TULP4: variants seen among roughly 807,000 people sequenced by gnomAD.
TULP4 encodes tubby-related protein 4.
In TULP4, 16 loss-of-function variants were observed where a neutral mutation model predicts 129.0. The ratio of observed to expected loss-of-function variants is 0.12; its 90% CI spans 0.08 to 0.19. The LOEUF (loss-of-function observed/expected upper bound fraction) is 0.19, where lower values mean the gene tolerates loss of function less well. TULP4 is among the 10% of genes least tolerant of loss of function. The pLI is 1.00. For synonymous variants in TULP4, 998 were observed against 854.0 expected, an observed-to-expected ratio of 1.17 and a Z score of -2.94; for missense variants, 1,842 against 2,059.1, an observed-to-expected ratio of 0.89 and a Z score of 2.04.
intron 1 of TULP4, among the ~76,000 whole-genome samples, chr6:158,324,855 A>G (rs1432189078): frequency 6.6e-6 from 1 of 152,172 alleles, no homozygotes; most frequent in Non-Finnish European, 1.5e-5. Context: ...TTCTATCTAT[A>G]AGACACTGCT....
At position 158,332,448 on chromosome 6, in the gene TULP4, G is replaced by A. The variant is rs997075085; in HGVS notation, c.252+18180G>A. Among the ~76,000 whole-genome samples the A allele has an allele frequency of 4.7e-4, 71 of 151,912 alleles. 2 individuals are homozygous for A. Among genetic ancestry groups the A allele is most frequent in the Non-Finnish European group, 1.5e-5 (1 of 67,968 alleles). On this transcript the variant is annotated intron_variant, in intron 1 of 13. Transcript: ENST00000367097. ...CAGTAAATAACCCTCTGGAGTGCAG[G>A]CAAGGGAGGAGGCTGTCCCTCCATG... is the stretch of plus-strand genomic sequence containing the variant.
chr6:158,407,363 A>C (rs749027468), intron 1 of TULP4, among the ~76,000 whole-genome samples: 5 of 152,256 alleles, frequency 3.3e-5, no homozygotes, highest in Non-Finnish European at 7.3e-5. Flanking sequence ...GACAGGCAAT[A>C]GCAAGTATTA....
At chr6:158,429,143 C>T (rs921127545) in intron 2 of TULP4, among the ~76,000 whole-genome samples, 6 of 151,958 alleles carry the variant, frequency 3.9e-5, no homozygotes, top group African/African-American at 1.4e-4. Context: ...CCACTGCTCC[C>T]GACTAATTAT....
intron 6 of TULP4, among the ~76,000 whole-genome samples, chr6:158,462,355 A>C (rs915397152): frequency 3.3e-5 from 5 of 150,068 alleles, no homozygotes; most frequent in African/African-American, 1.2e-4. Context: ...AGACCCTTAC[A>C]TATGTAGATT....
chr6:158,477,899 A>G (rs1317454270), intron 6 of TULP4, among the ~76,000 whole-genome samples: 1 of 152,254 alleles, frequency 6.6e-6, no homozygotes, highest in African/African-American at 2.4e-5. Context: ...AATGTGATAC[A>G]TAAACACCAT....
chr6:158,418,717 A>C (rs552165196), intron 2 of TULP4, among the ~76,000 whole-genome samples: 1 of 152,314 alleles, frequency 6.6e-6, no homozygotes, highest in South Asian at 2.1e-4. Flanking sequence ...GCAGTGAACT[A>C]TGACTGTGCC....
At chr6:158,435,104 C>A (rs189645796) in intron 3 of TULP4, among the ~76,000 whole-genome samples, 15 of 152,310 alleles carry the variant, frequency 9.8e-5, no homozygotes, top group Non-Finnish European at 2.1e-4. Context: ...TGCAGTGAGG[C>A]ACATACATAA....
At chr6:158,287,658 T>C (rs1295783150) in intron 1 of TULP4, among the ~76,000 whole-genome samples, 2 of 152,214 alleles carry the variant, frequency 1.3e-5, no homozygotes. Flanking sequence ...CAAGGATTTA[T>C]GGAATCGGTG....
At chr6:158,292,035 G>T (rs533305354) in intron 1 of TULP4, among the ~76,000 whole-genome samples, 1 of 152,306 alleles carries the variant, frequency 6.6e-6, no homozygotes, top group East Asian at 1.9e-4. Flanking sequence ...ATTTTTAATT[G>T]TAAACAGATT....
At chr6:158,290,513 A>C (rs956946529) in intron 1 of TULP4, among the ~76,000 whole-genome samples, 6 of 151,598 alleles carry the variant, frequency 4.0e-5, no homozygotes, top group African/African-American at 1.5e-4. Context: ...AGCTTTGTAC[A>C]TTTTCATTTA....
At chr6:158,452,895 ATGT>A (rs1779195136) in intron 5 of TULP4, among the ~76,000 whole-genome samples, 1 of 152,176 alleles carries the variant, frequency 6.6e-6, no homozygotes, top group Non-Finnish European at 1.5e-5. Context: ...AGTACTGTTG[ATGT>A]TGTTGACCCC....
intron 1 of TULP4, among the ~76,000 whole-genome samples, chr6:158,352,953 C>G (rs1164628851): frequency 6.6e-6 from 1 of 152,092 alleles, no homozygotes; most frequent in Non-Finnish European, 1.5e-5. Context: ...TCAAAATATT[C>G]TTTCGTATTT....
rs1346497988 is a variant in TULP4, at chr6:158,469,487, C to T, written c.1026+7758C>T. Among the ~76,000 whole-genome samples, 6 of 151,920 alleles carry T rather than the reference C, an allele frequency of 3.9e-5. No individual in the cohort carries two copies. The East Asian group carries it at 5.8e-4, about 15-fold the overall frequency. ...CAGCGTCTCACCATGTTGGCCAAGG[C>T]TGGTCTTGATTTTCTGACCTCAAGT... On this transcript the variant is annotated intron_variant, in intron 6 of 13. Coordinates refer to ENST00000367097, the MANE Select transcript of TULP4 (RefSeq NM_020245.5).
At chr6:158,360,756 G>A (rs1183220841) in intron 1 of TULP4, among the ~76,000 whole-genome samples, 1 of 152,162 alleles carries the variant, frequency 6.6e-6, no homozygotes, top group African/African-American at 2.4e-5. Flanking sequence ...AAGAAGCCCT[G>A]AGCAAGTGAA....
chr6:158,322,871 C>A (rs1779669496), intron 1 of TULP4, among the ~76,000 whole-genome samples: 1 of 152,232 alleles, frequency 6.6e-6, no homozygotes, highest in Non-Finnish European at 1.5e-5. Flanking sequence ...AGAAAGCAAG[C>A]TTTCAATTGT....
At chr6:158,232,473 A>C (rs1318197686) in intron 1 of TULP4, among the ~76,000 whole-genome samples, 1 of 142,432 alleles carries the variant, frequency 7.0e-6, no homozygotes, top group African/African-American at 2.6e-5. Context: ...TGGCTGCGGG[A>C]GTCTTGGGAG....
Position 158,385,024 on chromosome 6 carries a change from C to T in TULP4, c.253-28041C>T, listed in dbSNP as rs116357655. ...GCTTTTAATTAAGTTAAGAGTTAGT[C>T]GACTAAGGCAAATGACCTGATGCTT... On this transcript the variant is annotated intron_variant, in intron 1 of 13. Transcript: ENST00000367097. Among the ~76,000 whole-genome samples the T allele has an allele frequency of 5.7e-3, 867 of 152,236 alleles. 11 individuals carry two copies. The highest frequency in any genetic ancestry group is 0.02 in the African/African-American group (823 of 41,514).
intron 3 of TULP4, among the ~76,000 whole-genome samples, chr6:158,433,706 C>CA (rs1562564493): frequency 1.3e-5 from 2 of 151,800 alleles, no homozygotes; most frequent in South Asian, 2.1e-4. Flanking sequence ...AACTCTGTCT[C>CA]AAAAAAAAGT....
At chr6:158,333,331 C>T (rs1343920037) in intron 1 of TULP4, among the ~76,000 whole-genome samples, 5 of 152,144 alleles carry the variant, frequency 3.3e-5, no homozygotes, top group South Asian at 2.1e-4. Context: ...GGAGAGCTTG[C>T]GCGAAGAAGA....
Sources: gnomAD v4.1 joint callset for allele counts (sites outside exome capture counted in the v4.1 genomes callset) on GRCh38, gnomAD v4.1.1 for gene constraint, MANE v1.5 for transcripts, NCBI Gene and HGNC (gene_info 2026-07-23, HGNC 2026-07-21) for gene names.